PDGFD: variants seen among roughly 807,000 people sequenced by gnomAD.
The protein encoded by PDGFD is platelet derived growth factor D, also known as platelet-derived growth factor D.
PDGFD carries 30 observed loss-of-function variants against 44.7 expected under a neutral mutation model. The observed-to-expected ratio is 0.67, with a 90% CI of 0.50 to 0.91. The LOEUF (loss-of-function observed/expected upper bound fraction) is 0.91. PDGFD is among the 40% of genes least tolerant of loss of function. The probability of loss-of-function intolerance (pLI) is 0.00; values close to 1 mark genes in which losing one functional copy is unlikely to be tolerated. For missense variants in PDGFD, 445 were observed against 457.8 expected, an observed-to-expected ratio of 0.97 and a Z score of 0.25; for synonymous variants, 173 against 168.4, an observed-to-expected ratio of 1.03 and a Z score of -0.21.
intron 1 of PDGFD, among the ~76,000 whole-genome samples, chr11:104,156,025 T>C (rs766247893): frequency 1.4e-4 from 21 of 152,298 alleles, no homozygotes; most frequent in Non-Finnish European, 2.5e-4. Flanking sequence ...ACTATATTCT[T>C]GAAAATTGCT....
chr11:103,976,224 T>C (rs1859182605), intron 3 of PDGFD, among the ~76,000 whole-genome samples: 1 of 152,144 alleles, frequency 6.6e-6, no homozygotes, highest in Non-Finnish European at 1.5e-5. Flanking sequence ...CCGTTGTAAG[T>C]TGCTATTGTC....
chr11:104,128,513 G>A (rs922432845), intron 1 of PDGFD, among the ~76,000 whole-genome samples: 98 of 152,116 alleles, frequency 6.4e-4, no homozygotes, highest in African/African-American at 2.3e-3. Flanking sequence ...AAAAAGGCTG[G>A]CACAAATAGA....
intron 3 of PDGFD, among the ~76,000 whole-genome samples, chr11:103,950,571 AAAATAAATAAAT>A (rs112585777): frequency 1.4e-5 from 2 of 146,184 alleles, no homozygotes; most frequent in African/African-American, 2.6e-5. Flanking sequence ...CTCAAAAGAA[AAAATAAATAAAT>A]AAATAAATAA....
In PDGFD at chr11:104,047,202, C is replaced by T. The variant is rs557563042; in HGVS notation, c.125-46947G>A. 2.3e-4 allele frequency among the ~76,000 whole-genome samples: 34 copies of T among 147,648 alleles called. 4 individuals are homozygous for T. The South Asian group carries it at 7.3e-3, about 32-fold the overall frequency. ...TGTGAACAGTGCTGCAATAAACATA[C>T]GTGTGCATGTATCTTTATACTAGAA... On this transcript the variant is annotated intron_variant, in intron 1 of 6. Transcript: ENST00000393158.
intron 1 of PDGFD, among the ~76,000 whole-genome samples, chr11:104,114,840 C>T (rs1185334557): frequency 6.7e-6 from 1 of 150,326 alleles, no homozygotes; most frequent in Non-Finnish European, 1.5e-5. Flanking sequence ...TTAAGTATTT[C>T]ATTTTGGGAA....
In PDGFD at chr11:104,069,927, T is replaced by C. The variant is rs924405575; in HGVS notation, c.125-69672A>G. On this transcript the variant is annotated intron_variant, in intron 1 of 6. Coordinates refer to ENST00000393158, the MANE Select transcript of PDGFD (RefSeq NM_025208.5). The stretch of plus-strand genomic sequence containing the variant: ...CTACATTTATCAGATGGCTTTCTCC[T>C]GAAACAAGACCTTTCCCAGTATGGG... Among the ~76,000 whole-genome samples the C allele has an allele frequency of 5.3e-5, 8 of 152,236 alleles. No homozygotes were observed. The East Asian group carries it at 7.7e-4, about 15-fold the overall frequency.
chr11:104,032,056 T>C (rs868124393), intron 1 of PDGFD, among the ~76,000 whole-genome samples: 23 of 152,096 alleles, frequency 1.5e-4, no homozygotes, highest in African/African-American at 5.3e-4. Context: ...GCTTAATACC[T>C]AGGTGATGTG....
At chr11:104,059,282 T>C (rs1166351583) in intron 1 of PDGFD, among the ~76,000 whole-genome samples, 1 of 152,214 alleles carries the variant, frequency 6.6e-6, no homozygotes, top group Non-Finnish European at 1.5e-5. Flanking sequence ...TAAGCAAATA[T>C]AAATCGTAAA....
rs112825307 is a variant in PDGFD, at chr11:104,000,152, G to A, written c.228C>T (p.Asn76=). 2.4e-5 allele frequency: 39 copies of A among 1,614,026 alleles called. No individual in the cohort carries two copies. The African/African-American group carries it at 3.1e-4, about 13-fold the overall frequency. The change falls in exon 2 of 7, where the codon AAC becomes AAT. Residue 76 remains asparagine, a synonymous_variant. Transcript: ENST00000393158. ...AGTGAAGCCGCCATGTCAGGAGCAG[G>A]TTCCTGGGGTAGCTGTTCGGGAATC... ...SPRFPNSYPR[N]LLLTWRLHSQ... is the part of the protein sequence containing the mutation.
intron 1 of PDGFD, among the ~76,000 whole-genome samples, chr11:104,031,876 A>G (rs1168706115): frequency 6.6e-6 from 1 of 152,220 alleles, no homozygotes; most frequent in Non-Finnish European, 1.5e-5. Context: ...CATTATCCTC[A>G]GCAAACTCAT....
intron 1 of PDGFD, among the ~76,000 whole-genome samples, chr11:104,071,247 A>G (rs138733693): frequency 1.3e-3 from 193 of 152,096 alleles, no homozygotes; most frequent in Non-Finnish European, 2.2e-3. Flanking sequence ...GTATGTCATA[A>G]TAACTTTAAC....
intron 1 of PDGFD, among the ~76,000 whole-genome samples, chr11:104,124,431 T>C (rs1164707543): frequency 6.6e-6 from 1 of 152,086 alleles, no homozygotes; most frequent in African/African-American, 2.4e-5. Context: ...ATTAGAGTGG[T>C]CTCAGAAGAT....
chr11:103,946,202 T>C (rs1858666340), intron 4 of PDGFD, among the ~76,000 whole-genome samples: 2 of 152,202 alleles, frequency 1.3e-5, no homozygotes, highest in African/African-American at 2.4e-5. Flanking sequence ...AAACAAAGTA[T>C]GGTTTAAACA....
At chr11:103,941,163 A>G (rs1240007670) in intron 5 of PDGFD, among the ~76,000 whole-genome samples, 5 of 152,086 alleles carry the variant, frequency 3.3e-5, no homozygotes, top group African/African-American at 9.7e-5. Context: ...ATATCAATAT[A>G]TATCCCAGTC....
chr11:104,123,702 CAG>C (rs1333656108), intron 1 of PDGFD, among the ~76,000 whole-genome samples: 2 of 151,970 alleles, frequency 1.3e-5, no homozygotes, highest in Non-Finnish European at 2.9e-5. Context: ...AATTTTAATG[CAG>C]ACTTTGAAAG....
At chr11:103,939,147 G>GTA (rs1361486060) in intron 5 of PDGFD, among the ~76,000 whole-genome samples, 3 of 152,134 alleles carry the variant, frequency 2.0e-5, no homozygotes, top group Admixed American at 6.6e-5. Flanking sequence ...ACCTTGGGCA[G>GTA]TATGGCCATT....
chr11:104,015,083 G>A (rs775600681), intron 1 of PDGFD, among the ~76,000 whole-genome samples: 1 of 152,106 alleles, frequency 6.6e-6, no homozygotes, highest in Non-Finnish European at 1.5e-5. Flanking sequence ...TCATTTGAAG[G>A]CTTCAAAGAT....
chr11:103,982,799 A>G (rs968652782), intron 3 of PDGFD, among the ~76,000 whole-genome samples: 1 of 151,796 alleles, frequency 6.6e-6, no homozygotes, highest in Non-Finnish European at 1.5e-5. Context: ...CAAATCAGGA[A>G]CAAATTCCCA....
chr11:104,055,637 T>C (rs1860607592), intron 1 of PDGFD, among the ~76,000 whole-genome samples: 1 of 152,198 alleles, frequency 6.6e-6, no homozygotes. Flanking sequence ...ACTATTAAGG[T>C]GACCAGTTTA....
Sources: allele counts gnomAD v4.1 joint callset (sites outside exome capture counted in the v4.1 genomes callset), GRCh38; gene constraint gnomAD v4.1.1; transcripts MANE v1.5; gene names NCBI Gene and HGNC (gene_info 2026-07-23, HGNC 2026-07-21).